APBA1: variants seen among roughly 807,000 people sequenced by gnomAD.
APBA1 encodes amyloid-beta A4 precursor protein-binding family A member 1.
In APBA1, 55 loss-of-function variants were observed where a neutral mutation model predicts 86.6. The ratio of observed to expected loss-of-function variants is 0.64; its 90% confidence interval spans 0.51 to 0.80. The LOEUF (loss-of-function observed/expected upper bound fraction) is 0.80. APBA1 is among the 30% of genes least tolerant of loss of function. The pLI is 0.00. For synonymous variants in APBA1, 511 were observed against 493.9 expected (o/e 1.03, Z -0.46); for missense variants, 1,090 against 1,183.0 (o/e 0.92, Z 1.15).
intron 1 of APBA1, among the ~76,000 whole-genome samples, chr9:69,536,279 C>T (rs1454739298): frequency 1.3e-5 from 2 of 150,500 alleles, no homozygotes; most frequent in Non-Finnish European, 3.0e-5. Context: ...GAAAGCAGTA[C>T]ACATGAAAAA....
At chr9:69,500,668 C>T (rs1835867839) in intron 2 of APBA1, among the ~76,000 whole-genome samples, 2 of 152,048 alleles carry the variant, frequency 1.3e-5, no homozygotes, top group Non-Finnish European at 2.9e-5. Flanking sequence ...AAACTCTGGT[C>T]CACAGCTTAA....
At chr9:69,604,816 GT>G (rs1366809893) in intron 1 of APBA1, among the ~76,000 whole-genome samples, 1 of 148,342 alleles carries the variant, frequency 6.7e-6, no homozygotes, top group Non-Finnish European at 1.5e-5. Context: ...AGGCACATGA[GT>G]GTGGGCACAC....
intron 2 of APBA1, among the ~76,000 whole-genome samples, chr9:69,490,489 T>TAAA (rs1048916751): frequency 5.3e-5 from 8 of 151,284 alleles, no homozygotes; most frequent in East Asian, 3.9e-4. Context: ...ATAAAATTTT[T>TAAA]AAAAAAAAGC....
chr9:69,625,668 T>G (rs1822914806), intron 1 of APBA1, among the ~76,000 whole-genome samples: 1 of 152,174 alleles, frequency 6.6e-6, no homozygotes, highest in African/African-American at 2.4e-5. Context: ...CTGGGCTAAT[T>G]TAGTTAAAAT....
chr9:69,530,143 T>A (rs1342168481), intron 1 of APBA1, among the ~76,000 whole-genome samples: 1 of 151,930 alleles, frequency 6.6e-6, no homozygotes, highest in Admixed American at 6.6e-5. Context: ...GACCCAGCAA[T>A]CCCATTATTG....
Position 69,456,241 on chromosome 9 carries a change from C to A in APBA1, c.1788+6G>T. On this transcript the variant is annotated splice_donor_region_variant and intron_variant, in intron 8 of 12. Coordinates refer to ENST00000265381, the MANE Select transcript of APBA1 (RefSeq NM_001163.4). The stretch of plus-strand genomic sequence containing the variant: ...CCAAAAGGAGATCAAAGGAAGCAAC[C>A]CTTACATCCTCAGACTCGAAGACGT... 1.2e-6 allele frequency: 2 copies of A among 1,614,142 alleles called. No homozygotes were observed. Among genetic ancestry groups the A allele is most frequent in the Non-Finnish European group, 1.7e-6 (2 of 1,180,004 alleles).
At chr9:69,483,750 A>T (rs1835561935) in intron 2 of APBA1, among the ~76,000 whole-genome samples, 1 of 152,040 alleles carries the variant, frequency 6.6e-6, no homozygotes, top group Admixed American at 6.5e-5. Flanking sequence ...TTAAACATTC[A>T]CATGCAGACA....
At chr9:69,468,751 T>C (rs1202597302) in intron 4 of APBA1, among the ~76,000 whole-genome samples, 1 of 152,262 alleles carries the variant, frequency 6.6e-6, no homozygotes, top group East Asian at 1.9e-4. Context: ...CTAACCACAA[T>C]TACTTGTAAA....
chr9:69,474,562 A>G (rs550338418), intron 3 of APBA1, among the ~76,000 whole-genome samples: 13 of 152,282 alleles, frequency 8.5e-5, no homozygotes, highest in African/African-American at 3.1e-4. Flanking sequence ...ATTTGTTCTC[A>G]CCCAACCATG....
chr9:69,461,421 T>A (rs1835189907), intron 5 of APBA1: 1 of 152,190 alleles, frequency 6.6e-6, no homozygotes, highest in Admixed American at 6.5e-5. Flanking sequence ...CCAGGGATGC[T>A]CCTGACTGTT....
At chr9:69,456,974 C>T in intron 7 of APBA1, 79 bp downstream of exon 7, 3 of 1,226,940 alleles carry the variant, frequency 2.4e-6, no homozygotes, top group Non-Finnish European at 3.6e-6. Context: ...CAGACACATG[C>T]CTGCTCTACA....
chr9:69,442,530 G>T (rs144870213), intron 10 of APBA1, among the ~76,000 whole-genome samples: 1 of 152,292 alleles, frequency 6.6e-6, no homozygotes, highest in African/African-American at 2.4e-5. Context: ...AGGGAATGAG[G>T]AGGGACTCAG....
intron 4 of APBA1, among the ~76,000 whole-genome samples, chr9:69,469,617 A>G (rs1233091283): frequency 2.6e-5 from 4 of 152,210 alleles, no homozygotes; most frequent in Non-Finnish European, 4.4e-5. Context: ...ACTCTACTCA[A>G]CAGCCACAGG....
rs1834538937 is a variant in APBA1, at chr9:69,428,918, T to A, written c.*2409A>T. The A allele has an allele frequency of 6.6e-6, 1 of 152,248 alleles. No homozygotes were observed. The highest frequency in any genetic ancestry group is 1.5e-5 in the Non-Finnish European group (1 of 68,038). 9.4% of individuals were successfully genotyped at this position (152,248 alleles called of 1,614,324 possible). ...CAGAGAAATCTTCTCACTCTAATGTTACAATGTCAGTCCTCTAGGAGAGCT... is the reference window on the plus strand; with the variant it reads ...CAGAGAAATCTTCTCACTCTAATGTAACAATGTCAGTCCTCTAGGAGAGCT... On this transcript the variant is annotated 3_prime_UTR_variant, in exon 13 of 13. Transcript: ENST00000265381.
At chr9:69,612,712 G>A (rs1292782086) in intron 1 of APBA1, among the ~76,000 whole-genome samples, 1 of 151,888 alleles carries the variant, frequency 6.6e-6, no homozygotes, top group East Asian at 1.9e-4. Flanking sequence ...CCAAAAAGAT[G>A]TGTTTTGGTG....
intron 1 of APBA1, among the ~76,000 whole-genome samples, chr9:69,670,270 T>G (rs189102002): frequency 6.6e-6 from 1 of 152,296 alleles, no homozygotes; most frequent in Admixed American, 6.5e-5. Flanking sequence ...CCTAGTTTTA[T>G]TATTTTCACA....
At chr9:69,625,528 C>T (rs572815804) in intron 1 of APBA1, among the ~76,000 whole-genome samples, 5 of 152,142 alleles carry the variant, frequency 3.3e-5, no homozygotes, top group African/African-American at 9.6e-5. Context: ...TTTGCTGGCT[C>T]GGTGAATATG....
intron 2 of APBA1, among the ~76,000 whole-genome samples, chr9:69,476,354 A>C (rs2133839674): frequency 6.6e-6 from 1 of 152,316 alleles, no homozygotes; most frequent in Non-Finnish European, 1.5e-5. Context: ...ATGCTTTCAA[A>C]GGAGCTTTCA....
At chr9:69,496,041 T>A (rs1835789374) in intron 2 of APBA1, among the ~76,000 whole-genome samples, 1 of 152,000 alleles carries the variant, frequency 6.6e-6, no homozygotes, top group African/African-American at 2.4e-5. Flanking sequence ...CAGATAATCC[T>A]ACATTGGGCT....
Sources: allele counts gnomAD v4.1 joint callset (sites outside exome capture counted in the v4.1 genomes callset), GRCh38; gene constraint gnomAD v4.1.1; transcripts MANE v1.5; gene names NCBI Gene and HGNC (gene_info 2026-07-23, HGNC 2026-07-21).